NELL1: variants seen among roughly 807,000 people sequenced by gnomAD.
The protein encoded by NELL1 is protein kinase C-binding protein NELL1.
Under a neutral mutation model 107.4 loss-of-function variants are expected in NELL1, and 76 were observed. That is an observed-to-expected ratio of 0.71 (90% CI 0.59 to 0.86). The LOEUF (loss-of-function observed/expected upper bound fraction) is 0.86. Among genes scored for constraint, NELL1 ranks in the 40% least tolerant of loss-of-function variants. NELL1 has a pLI of 0.00. For missense variants in NELL1, 1,024 were observed against 1,005.5 expected, an observed-to-expected ratio of 1.02 and a Z score of -0.25; for synonymous variants, 353 against 341.2, an observed-to-expected ratio of 1.03 and a Z score of -0.38.
intron 16 of NELL1, among the ~76,000 whole-genome samples, chr11:21,553,657 C>T (rs1293910752): frequency 6.6e-6 from 1 of 151,750 alleles, no homozygotes; most frequent in African/African-American, 2.4e-5. Context: ...AACCACAGCT[C>T]CACCAAATCT....
At chr11:20,983,231 G>A (rs1426165879) in intron 12 of NELL1, among the ~76,000 whole-genome samples, 1 of 152,098 alleles carries the variant, frequency 6.6e-6, no homozygotes, top group Non-Finnish European at 1.5e-5. Context: ...ATTGTGATAT[G>A]TCACTCTGGA....
chr11:20,721,669 C>T (rs1855391641), intron 2 of NELL1, among the ~76,000 whole-genome samples: 1 of 152,104 alleles, frequency 6.6e-6, no homozygotes, highest in South Asian at 2.1e-4. Flanking sequence ...TATTTGTGAG[C>T]ACTGTTGGTC....
At chr11:20,687,456 TTATGAATGGC>T (rs1854335293) in intron 2 of NELL1, among the ~76,000 whole-genome samples, 1 of 152,126 alleles carries the variant, frequency 6.6e-6, no homozygotes, top group Non-Finnish European at 1.5e-5. Context: ...ATTTGACATT[TTATGAATGGC>T]TATGTATAAA....
intron 3 of NELL1, among the ~76,000 whole-genome samples, chr11:20,831,656 C>T (rs1858012274): frequency 6.6e-6 from 1 of 152,094 alleles, no homozygotes; most frequent in Admixed American, 6.6e-5. Context: ...GACACAGAGC[C>T]ATCTCATCTA....
chr11:20,702,722 G>T (rs550923254), intron 2 of NELL1, among the ~76,000 whole-genome samples: 2 of 152,144 alleles, frequency 1.3e-5, no homozygotes, highest in African/African-American at 2.4e-5. Context: ...AGCATGAAGC[G>T]CTGTTGAATT....
chr11:21,562,924 A>G (rs1011504286), intron 17 of NELL1, among the ~76,000 whole-genome samples: 2 of 152,044 alleles, frequency 1.3e-5, no homozygotes, highest in African/African-American at 2.4e-5. Flanking sequence ...AAAGGCCTTG[A>G]AACATGTCCA....
Position 21,236,941 on chromosome 11 carries a change from C to A in NELL1, c.1549+7487C>A, listed in dbSNP as rs568868926. 1.8e-4 allele frequency among the ~76,000 whole-genome samples: 28 copies of A among 152,276 alleles called. 1 individual carries two copies. Among genetic ancestry groups the A allele is most frequent in the Admixed American group, 1.4e-3 (22 of 15,280 alleles). The stretch of plus-strand genomic sequence containing the variant: ...AAAGGCTAATGTAAACAAAGTTTTA[C>A]TACATGACTTAGGGACTGCAGATTG... On this transcript the variant is annotated intron_variant, in intron 14 of 19. Coordinates refer to ENST00000357134, the MANE Select transcript of NELL1 (RefSeq NM_006157.5).
intron 14 of NELL1, among the ~76,000 whole-genome samples, chr11:21,241,835 TC>T (rs1485463964): frequency 6.6e-6 from 1 of 151,972 alleles, no homozygotes. Flanking sequence ...ATAGTAGAGT[TC>T]ATTCAGCTGT....
At chr11:21,176,059 A>G (rs1856705999) in intron 13 of NELL1, among the ~76,000 whole-genome samples, 1 of 151,780 alleles carries the variant, frequency 6.6e-6, no homozygotes, top group Non-Finnish European at 1.5e-5. Flanking sequence ...CCTTCCTGCA[A>G]ACTCTGGGCC....
chr11:21,381,111 T>C (rs1851597470), intron 15 of NELL1, among the ~76,000 whole-genome samples: 1 of 152,050 alleles, frequency 6.6e-6, no homozygotes, highest in African/African-American at 2.4e-5. Context: ...CTTTGCTTTA[T>C]AATCTGCTAC....
intron 10 of NELL1, among the ~76,000 whole-genome samples, chr11:20,944,065 C>T (rs1290816967): frequency 6.6e-6 from 1 of 152,118 alleles, no homozygotes; most frequent in Non-Finnish European, 1.5e-5. Context: ...AGCACTAATG[C>T]CCTATGGAAT....
chr11:21,333,547 A>G (rs909446804), intron 14 of NELL1, among the ~76,000 whole-genome samples: 1 of 152,030 alleles, frequency 6.6e-6, no homozygotes, highest in African/African-American at 2.4e-5. Context: ...ACTTTCTTCC[A>G]TATGTATGTA....
At chr11:21,437,024 A>C (rs955543496) in intron 15 of NELL1, among the ~76,000 whole-genome samples, 26 of 152,130 alleles carry the variant, frequency 1.7e-4, no homozygotes, top group African/African-American at 5.8e-4. Context: ...TTGTTTTATG[A>C]CCTAATATAT....
chr11:21,506,805 A>G (rs72636003), intron 15 of NELL1, among the ~76,000 whole-genome samples: 47,557 of 152,020 alleles, frequency 0.31, 8,055 homozygotes, highest in East Asian at 0.58. Context: ...TTGAATAAAT[A>G]TCATGGTTTT....
At chr11:21,314,552 A>G (rs1030203765) in intron 14 of NELL1, among the ~76,000 whole-genome samples, 1 of 152,102 alleles carries the variant, frequency 6.6e-6, no homozygotes, top group Admixed American at 6.6e-5. Flanking sequence ...ATTTTTAGGT[A>G]CTCTACAGGA....
rs770851183 is a variant in NELL1 at position 20,847,705 on chromosome 11, C to T, written c.458C>T (p.Ala153Val). The T allele has an allele frequency of 4.3e-6, 7 of 1,613,484 alleles. No individual in the cohort carries two copies. The highest frequency in any genetic ancestry group is 1.7e-5 in the Admixed American group (1 of 59,918). The change falls in exon 4 of 20, where the codon GCA becomes GTA. Residue 153 changes from alanine (A) to valine (V), a missense_variant. Ala to Val is a moderately conservative substitution (Grantham distance 64). Coordinates refer to ENST00000357134, the MANE Select transcript of NELL1 (RefSeq NM_006157.5). ...GCAGATGGACAATGGCACAAGGTTG[C>T]ACTGTCAGTTAGCGCCTCTCATCTC... is the stretch of plus-strand genomic sequence containing the variant. ...RMADGQWHKV[A>V]LSVSASHLLL...
intron 5 of NELL1, among the ~76,000 whole-genome samples, chr11:20,910,081 G>C (rs890593047): frequency 2.6e-5 from 4 of 152,144 alleles, no homozygotes; most frequent in Admixed American, 2.6e-4. Flanking sequence ...GCTGGCTGGT[G>C]GAGTTGGCCA....
At chr11:21,052,434 G>T (rs1853515397) in intron 12 of NELL1, among the ~76,000 whole-genome samples, 1 of 152,086 alleles carries the variant, frequency 6.6e-6, no homozygotes. Context: ...TGGTATCTTG[G>T]ACCACATGGT....
intron 1 of NELL1, among the ~76,000 whole-genome samples, chr11:20,675,159 A>G (rs1044008030): frequency 1.3e-5 from 2 of 152,174 alleles, no homozygotes; most frequent in Non-Finnish European, 2.9e-5. Flanking sequence ...GCACAAGCAT[A>G]TTCAAGTCGC....
Sources: gnomAD v4.1 joint callset for allele counts (sites outside exome capture counted in the v4.1 genomes callset) on GRCh38, gnomAD v4.1.1 for gene constraint, MANE v1.5 for transcripts, NCBI Gene and HGNC (gene_info 2026-07-23, HGNC 2026-07-21) for gene names.